AVEN: variants seen among roughly 807,000 people sequenced by gnomAD.
The protein encoded by AVEN is apoptosis and caspase activation inhibitor.
A neutral mutation model predicts 38.1 loss-of-function variants in AVEN; 41 were observed. The ratio of observed to expected loss-of-function variants is 1.08; its 90% confidence interval spans 0.84 to 1.40. AVEN has a LOEUF of 1.40. Ranked by LOEUF, AVEN falls within the 40% of genes most tolerant of loss-of-function variation. The pLI, the probability that AVEN is intolerant of heterozygous loss-of-function variation, is 0.00. For missense variants in AVEN, 605 were observed against 438.8 expected (o/e 1.38, Z -3.38); for synonymous variants, 206 against 171.8 (o/e 1.20, Z -1.56).
chr15:33,878,743 C>T (rs1453547842), intron 2 of AVEN, among the ~76,000 whole-genome samples: 1 of 151,852 alleles, frequency 6.6e-6, no homozygotes, highest in East Asian at 1.9e-4. Context: ...GTATTAGATA[C>T]AAAGAACATC....
intron 2 of AVEN, among the ~76,000 whole-genome samples, chr15:33,967,769 T>C (rs1302937775): frequency 6.6e-6 from 1 of 151,866 alleles, no homozygotes; most frequent in African/African-American, 2.4e-5. Context: ...GAAATTGACA[T>C]TTAAAAATCT....
chr15:33,970,641 T>C (rs928000950), intron 2 of AVEN, among the ~76,000 whole-genome samples: 1 of 151,888 alleles, frequency 6.6e-6, no homozygotes, highest in African/African-American at 2.4e-5. Flanking sequence ...ATGAAGAATA[T>C]TAATCAATAT....
chr15:33,867,957 G>A, intron 4 of AVEN, 102 bp from the exon 5 acceptor site: 2 of 1,428,612 alleles, frequency 1.4e-6, no homozygotes, highest in Non-Finnish European at 1.9e-6. Context: ...CTTTGTGACA[G>A]AGGAAACTCA....
At chr15:33,958,869 C>T (rs1333048284) in intron 2 of AVEN, among the ~76,000 whole-genome samples, 1 of 152,114 alleles carries the variant, frequency 6.6e-6, no homozygotes, top group Admixed American at 6.5e-5. Context: ...TGTCTTTTAG[C>T]TGCTTTTTTA....
intron 5 of AVEN, among the ~76,000 whole-genome samples, chr15:34,045,389 T>C (rs1448270716): frequency 6.6e-6 from 1 of 152,222 alleles, no homozygotes; most frequent in African/African-American, 2.4e-5. Context: ...GAGTTAGATA[T>C]ATCTTACTTT....
At chr15:34,054,427 C>T (rs190021565) in intron 5 of AVEN, among the ~76,000 whole-genome samples, 6 of 152,244 alleles carry the variant, frequency 3.9e-5, no homozygotes, top group Admixed American at 6.5e-5. Context: ...TAGAATCAAT[C>T]TAAATGCCCA....
intron 1 of AVEN, chr15:34,007,181 T>C (rs1897393807): frequency 2.6e-6 from 1 of 385,888 alleles, no homozygotes; most frequent in South Asian, 1.1e-4. Flanking sequence ...CACAAATCCA[T>C]TTAAAACAAA....
intron 2 of AVEN, among the ~76,000 whole-genome samples, chr15:33,917,786 G>C (rs1308937438): frequency 6.6e-6 from 1 of 152,096 alleles, no homozygotes; most frequent in African/African-American, 2.4e-5. Context: ...GCTAAGTTAT[G>C]AGGATGCAAA....
In AVEN at chr15:33,964,640, A is replaced by T. The variant is rs532777815; in HGVS notation, c.445+38392T>A. Among the ~76,000 whole-genome samples, 13 of 152,252 alleles carry T rather than the reference A, an allele frequency of 8.5e-5. 1 individual carries two copies. Among genetic ancestry groups the T allele is most frequent in the African/African-American group, 1.9e-4 (8 of 41,538 alleles). On this transcript the variant is annotated intron_variant, in intron 2 of 5. Transcript: ENST00000306730. Reference sequence around the variant, plus strand: ...CCCCTCATACCACTACTTAGTTTTAAAAAAAAATTTAATAGAACATAAATG... The same window carrying T: ...CCCCTCATACCACTACTTAGTTTTATAAAAAAATTTAATAGAACATAAATG...
chr15:34,068,109 GCT>G (rs1009541458), intron 2 of AVEN, among the ~76,000 whole-genome samples: 3 of 145,858 alleles, frequency 2.1e-5, no homozygotes, highest in Non-Finnish European at 3.0e-5. Flanking sequence ...ATCTGTGCCT[GCT>G]CTCTCTGTAT....
At chr15:33,980,101 CA>C (rs1384048482) in intron 2 of AVEN, among the ~76,000 whole-genome samples, 1 of 152,164 alleles carries the variant, frequency 6.6e-6, no homozygotes, top group East Asian at 1.9e-4. Context: ...AACATTATCT[CA>C]TAGTAAACTA....
intron 2 of AVEN, among the ~76,000 whole-genome samples, chr15:33,878,294 A>C (rs1891336404): frequency 6.6e-6 from 1 of 152,190 alleles, no homozygotes; most frequent in Non-Finnish European, 1.5e-5. Context: ...AAGTCTCAAT[A>C]AATAAAATGG....
chr15:33,890,597 A>ATCC (rs1278697571), intron 2 of AVEN, among the ~76,000 whole-genome samples: 20 of 152,182 alleles, frequency 1.3e-4, no homozygotes, highest in African/African-American at 4.6e-4. Flanking sequence ...GCAACCAGAA[A>ATCC]TTTCTAGTAA....
At chr15:33,931,349 C>CTTTTTTTTTTTTTTTTTTTTT (rs71119903) in intron 2 of AVEN, among the ~76,000 whole-genome samples, 3 of 89,274 alleles carry the variant, frequency 3.4e-5, no homozygotes, top group African/African-American at 5.2e-5. Flanking sequence ...TGAATATTTT[C>CTTTTTTTTTTTTTTTTTTTTT]TTTTTTTTTT....
chr15:33,965,398 A>G (rs1895346819), intron 2 of AVEN, among the ~76,000 whole-genome samples: 1 of 152,208 alleles, frequency 6.6e-6, no homozygotes, highest in Non-Finnish European at 1.5e-5. Context: ...GCCATGGAAG[A>G]AATCATTAAC....
intron 1 of AVEN, among the ~76,000 whole-genome samples, chr15:34,035,802 G>A (rs1051595393): frequency 1.6e-5 from 2 of 121,520 alleles, no homozygotes; most frequent in Non-Finnish European, 4.0e-5. Context: ...TAGTTAGTAA[G>A]TTAGTTATTT....
rs1218580846 is a variant in AVEN at position 33,991,626 on chromosome 15, C to A, written c.445+11406G>T. The A allele has an allele frequency of 3.3e-5, 5 of 151,928 alleles. No homozygotes were observed. In the East Asian group the frequency reaches 5.8e-4, roughly 18 times the overall value. The allele number at this position is 151,928 out of a possible 1,614,324, so 9.4% of individuals were successfully genotyped here. The stretch of plus-strand genomic sequence containing the variant: ...GTAGAAAGCACCCACATATCCTTTT[C>A]TCAAATCATGGGGAAATAAAATGGA... On this transcript the variant is annotated intron_variant, in intron 2 of 5. Coordinates refer to ENST00000306730, the MANE Select transcript of AVEN (RefSeq NM_020371.3).
At chr15:33,861,106 A>G in intron 11 of AVEN, 1 of 1,595,948 alleles carries the variant, frequency 6.3e-7, no homozygotes, top group African/African-American at 1.3e-5. Flanking sequence ...GGGATTGGCA[A>G]TGACTACTTT....
At chr15:33,928,506 C>T (rs1893713693) in intron 2 of AVEN, among the ~76,000 whole-genome samples, 1 of 152,096 alleles carries the variant, frequency 6.6e-6, no homozygotes, top group Admixed American at 6.5e-5. Flanking sequence ...CTTATGAGGA[C>T]TAATTAATAG....
Sources: allele counts gnomAD v4.1 joint callset (sites outside exome capture counted in the v4.1 genomes callset), GRCh38; gene constraint gnomAD v4.1.1; transcripts MANE v1.5; gene names NCBI Gene and HGNC (gene_info 2026-07-23, HGNC 2026-07-21).